The following GALNT7 variants were observed in gnomAD, a reference collection of about 807,000 sequenced individuals.
The protein encoded by GALNT7 is polypeptide N-acetylgalactosaminyltransferase 7, also known as N-acetylgalactosaminyltransferase 7.
In GALNT7, 60 loss-of-function variants were observed where a neutral mutation model predicts 82.1. The observed-to-expected ratio is 0.73, with a 90% CI of 0.59 to 0.91. The LOEUF (loss-of-function observed/expected upper bound fraction) is 0.91, where lower values mean the gene tolerates loss of function less well. GALNT7 is among the 40% of genes least tolerant of loss of function. The probability of loss-of-function intolerance (pLI) is 0.00; values close to 1 mark genes in which losing one functional copy is unlikely to be tolerated. For synonymous variants in GALNT7, 243 were observed against 275.1 expected (o/e 0.88, Z 1.15); for missense variants, 660 against 804.2 (o/e 0.82, Z 2.17).
At chr4:173,219,562 C>A (rs1733577853) in intron 1 of GALNT7, among the ~76,000 whole-genome samples, 1 of 152,190 alleles carries the variant, frequency 6.6e-6, no homozygotes, top group Non-Finnish European at 1.5e-5. Flanking sequence ...TTTAAGGAAT[C>A]TCCACACTGT....
At chr4:173,223,076 G>A (rs1733694091) in intron 1 of GALNT7, among the ~76,000 whole-genome samples, 4 of 152,074 alleles carry the variant, frequency 2.6e-5, no homozygotes, top group Non-Finnish European at 5.9e-5. Flanking sequence ...GGAAACACTT[G>A]TACTTAGATG....
chr4:173,277,637 G>A (rs924527569), intron 2 of GALNT7, among the ~76,000 whole-genome samples: 1 of 152,156 alleles, frequency 6.6e-6, no homozygotes, highest in African/African-American at 2.4e-5. Context: ...TGATGGAACA[G>A]CTTTCAGAAA....
intron 2 of GALNT7, among the ~76,000 whole-genome samples, chr4:173,261,673 G>A (rs1357599167): frequency 1.3e-5 from 2 of 152,018 alleles, no homozygotes; most frequent in Admixed American, 6.6e-5. Flanking sequence ...AAAAAAATTA[G>A]CCAGGTGTGG....
intron 2 of GALNT7, among the ~76,000 whole-genome samples, chr4:173,259,687 G>A (rs1735182227): frequency 6.6e-6 from 1 of 152,048 alleles, no homozygotes. Flanking sequence ...GCCCAGGCTG[G>A]AATGCAGTGG....
At position 173,260,513 on chromosome 4, in the gene GALNT7, G is replaced by T. The variant is rs116811668; in HGVS notation, c.587+12073G>T. Among the ~76,000 whole-genome samples, 1,175 of 152,298 alleles carry T rather than the reference G, an allele frequency of 7.7e-3. 13 individuals carry two copies. The highest frequency in any genetic ancestry group is 0.026 in the African/African-American group (1,097 of 41,554). On this transcript the variant is annotated intron_variant, in intron 2 of 11. Coordinates refer to ENST00000265000, the MANE Select transcript of GALNT7 (RefSeq NM_017423.3). ...AAATGTTATTTTATGTATAGGAAAA[G>T]ACAAGGACTAGGATCATTGATCTTT... is the stretch of plus-strand genomic sequence containing the variant.
At chr4:173,299,934 AAT>A (rs1171196419) in intron 6 of GALNT7, among the ~76,000 whole-genome samples, 1 of 152,198 alleles carries the variant, frequency 6.6e-6, no homozygotes, top group African/African-American at 2.4e-5. Flanking sequence ...CCTAAAATGT[AAT>A]AGTGTTGTTA....
intron 2 of GALNT7, among the ~76,000 whole-genome samples, chr4:173,275,448 C>T (rs897015382): frequency 3.9e-5 from 6 of 152,258 alleles, no homozygotes; most frequent in Non-Finnish European, 8.8e-5. Flanking sequence ...AACTGGCTAC[C>T]TCACAGCAGA....
At chr4:173,178,535 A>T (rs1732146822) in intron 1 of GALNT7, among the ~76,000 whole-genome samples, 1 of 152,172 alleles carries the variant, frequency 6.6e-6, no homozygotes, top group South Asian at 2.1e-4. Context: ...TCCAAATGAG[A>T]AATGTTCTCA....
chr4:173,191,618 T>A (rs1732631745), intron 1 of GALNT7, among the ~76,000 whole-genome samples: 1 of 152,212 alleles, frequency 6.6e-6, no homozygotes, highest in African/African-American at 2.4e-5. Flanking sequence ...AAATTAGAGA[T>A]GGATCTGGGC....
chr4:173,220,315 A>G (rs1016120361), intron 1 of GALNT7, among the ~76,000 whole-genome samples: 11 of 151,970 alleles, frequency 7.2e-5, no homozygotes, highest in African/African-American at 2.7e-4. Context: ...ATTTGGCTTT[A>G]TTTCTGGGTT....
chr4:173,294,075 T>C (rs1280833076), intron 3 of GALNT7, among the ~76,000 whole-genome samples: 1 of 152,156 alleles, frequency 6.6e-6, no homozygotes, highest in Non-Finnish European at 1.5e-5. Context: ...AGCCAGAAGG[T>C]ATTGGATGCA....
chr4:173,179,871 C>T (rs1452527057), intron 1 of GALNT7, among the ~76,000 whole-genome samples: 1 of 152,310 alleles, frequency 6.6e-6, no homozygotes, highest in East Asian at 1.9e-4. Flanking sequence ...GCGTGAAGTT[C>T]TCTAGAAGTT....
intron 2 of GALNT7, among the ~76,000 whole-genome samples, chr4:173,264,585 G>C (rs1735409679): frequency 6.6e-6 from 1 of 152,140 alleles, no homozygotes; most frequent in South Asian, 2.1e-4. Context: ...CCTTTTTCAA[G>C]TGACTTCCTA....
chr4:173,233,935 T>A (rs1484601791), intron 1 of GALNT7, among the ~76,000 whole-genome samples: 1 of 152,206 alleles, frequency 6.6e-6, no homozygotes, highest in South Asian at 2.1e-4. Context: ...CAAAAAATGT[T>A]GTCTATTCTT....
intron 1 of GALNT7, among the ~76,000 whole-genome samples, chr4:173,209,282 T>C (rs1431974654): frequency 6.6e-6 from 1 of 152,230 alleles, no homozygotes; most frequent in Non-Finnish European, 1.5e-5. Context: ...CAAAAGGAGT[T>C]TACTGTAGTA....
At chr4:173,305,151 G>T (rs1580007916) in intron 8 of GALNT7, among the ~76,000 whole-genome samples, 1 of 151,986 alleles carries the variant, frequency 6.6e-6, no homozygotes, top group East Asian at 1.9e-4. Context: ...AGGTGGGAAG[G>T]GTATCTTGTG....
intron 1 of GALNT7, among the ~76,000 whole-genome samples, chr4:173,196,127 AT>A (rs35060535): frequency 2.3e-3 from 337 of 145,908 alleles, no homozygotes; most frequent in Middle Eastern, 3.6e-3. Context: ...TTAAGTTGGA[AT>A]TTTTTTTTTT....
intron 1 of GALNT7, among the ~76,000 whole-genome samples, chr4:173,225,608 C>T (rs937786037): frequency 6.6e-6 from 1 of 152,302 alleles, no homozygotes; most frequent in Admixed American, 6.5e-5. Flanking sequence ...TTGCAGGAAC[C>T]TTATTGTGCT....
intron 2 of GALNT7, among the ~76,000 whole-genome samples, chr4:173,258,053 A>G (rs1561176885): frequency 2.0e-5 from 3 of 152,226 alleles, no homozygotes; most frequent in African/African-American, 7.2e-5. Context: ...AGGGGTATTA[A>G]AGGAGGACAG....
Sources: allele counts gnomAD v4.1 joint callset (sites outside exome capture counted in the v4.1 genomes callset), GRCh38; gene constraint gnomAD v4.1.1; transcripts MANE v1.5; gene names NCBI Gene and HGNC (gene_info 2026-07-23, HGNC 2026-07-21).